The following LRRN1 variants were observed in gnomAD, a reference collection of about 807,000 sequenced individuals.
LRRN1 encodes the protein leucine-rich repeat neuronal protein 1.
A neutral mutation model predicts 45.8 loss-of-function variants in LRRN1; 14 were observed. The observed-to-expected ratio is 0.31, with a 90% CI of 0.20 to 0.48. LRRN1 has a LOEUF of 0.48. Ranked by LOEUF, LRRN1 falls within the 20% of genes least tolerant of loss-of-function variation. The probability of loss-of-function intolerance (pLI) is 0.99; values close to 1 mark genes in which losing one functional copy is unlikely to be tolerated. For synonymous variants in LRRN1, 359 were observed against 330.1 expected, an observed-to-expected ratio of 1.09 and a Z score of -0.95; for missense variants, 789 against 874.2, an observed-to-expected ratio of 0.90 and a Z score of 1.23.
At chr3:3,823,679 C>T (rs938990930) in intron 1 of LRRN1, among the ~76,000 whole-genome samples, 3 of 152,072 alleles carry the variant, frequency 2.0e-5, no homozygotes, top group African/African-American at 7.2e-5. Context: ...GAAACCAGGG[C>T]TTAGAGAGGT....
At position 3,847,961 on chromosome 3, in the gene LRRN1, C is replaced by T. The variant is rs1207828285; in HGVS notation, c.*1169C>T. ...TATTCATATATACTCACACACATCC[C>T]AACCTGTCACACACAATGCGTGTGT... On this transcript the variant is annotated 3_prime_UTR_variant, in exon 2 of 2. Coordinates refer to ENST00000319331, the MANE Select transcript of LRRN1 (RefSeq NM_020873.7). Among the ~76,000 whole-genome samples, 1 of 152,018 alleles carries T rather than the reference C, an allele frequency of 6.6e-6. No individual in the cohort carries two copies. The highest frequency in any genetic ancestry group is 1.9e-4 in the East Asian group (1 of 5,188).
intron 1 of LRRN1, among the ~76,000 whole-genome samples, chr3:3,809,596 T>G (rs1692836199): frequency 6.6e-6 from 1 of 152,214 alleles, no homozygotes; most frequent in Non-Finnish European, 1.5e-5. Flanking sequence ...ATTGCCGTAG[T>G]GTTACAGGAC....
chr3:3,819,966 A>G (rs1045302167), intron 1 of LRRN1, among the ~76,000 whole-genome samples: 16 of 152,148 alleles, frequency 1.1e-4, no homozygotes, highest in Admixed American at 9.8e-4. Context: ...CTGGATTTTA[A>G]TCTCAAATCT....
chr3:3,802,300 G>A (rs1241188432), intron 1 of LRRN1, among the ~76,000 whole-genome samples: 1 of 152,226 alleles, frequency 6.6e-6, no homozygotes, highest in Non-Finnish European at 1.5e-5. Flanking sequence ...CGCACGTGAG[G>A]CAGGCGATTA....
At chr3:3,817,130 G>T (rs561220700) in intron 1 of LRRN1, among the ~76,000 whole-genome samples, 2 of 152,114 alleles carry the variant, frequency 1.3e-5, no homozygotes, top group Admixed American at 6.6e-5. Context: ...CACAGTTTCT[G>T]TTTTGTATTC....
chr3:3,827,643 A>T (rs916535937), intron 1 of LRRN1: 8 of 383,620 alleles, frequency 2.1e-5, no homozygotes, highest in Non-Finnish European at 2.1e-5. Flanking sequence ...GAAAAAGCTA[A>T]AAGAATGATG....
chr3:3,815,300 G>T (rs1343311841), intron 1 of LRRN1, among the ~76,000 whole-genome samples: 1 of 152,102 alleles, frequency 6.6e-6, no homozygotes, highest in Non-Finnish European at 1.5e-5. Context: ...TCTGAACTCA[G>T]ATTTGGAAAG....
rs1693764854 is a variant in LRRN1, at chr3:3,845,904, G to A, written c.1263G>A (p.Gln421=). ...TTTTAATCCAGGATTCGAGTGAACA[G>A]TGCCTCCCAATGATATCTCACGACA... The part of the protein sequence containing the change: ...KEVLIQDSSE[Q]CLPMISHDSF... The change falls in exon 2 of 2, where the codon CAG becomes CAA. Residue 421 remains glutamine, a synonymous_variant. Transcript: ENST00000319331. This position sits in a 1 kb window ranked among gnomAD's most constrained non-coding sequence, Gnocchi z 6.5. 1 of 1,614,110 alleles carries A rather than the reference G, an allele frequency of 6.2e-7. No individual in the cohort carries two copies. The highest frequency in any genetic ancestry group is 8.5e-7 in the Non-Finnish European group (1 of 1,180,020).
chr3:3,847,033 GTTATTATATTA>G lies in LRRN1; in HGVS notation c.*247_*257del, dbSNP rs1693795168. 1 of 327,806 alleles carries G rather than the reference GTTATTATATTA, an allele frequency of 3.1e-6. No homozygotes were observed. The highest frequency in any genetic ancestry group is 4.5e-5 in the Admixed American group (1 of 22,324). The allele number at this position is 327,806 out of a possible 1,614,324, so 20.3% of individuals were successfully genotyped here. A position where few individuals can be genotyped will look rare whatever the true frequency, so the allele number is the denominator to read the frequency against. On this transcript the variant is annotated 3_prime_UTR_variant, in exon 2 of 2. Transcript: ENST00000319331. The stretch of plus-strand genomic sequence containing the variant: ...TTTTATTCTTATCATTATTATGATT[GTTATTATATTA>G]TTATTTTATTTTAGTTGTTGTGCTA...
At position 3,846,505 on chromosome 3, in the gene LRRN1, G is replaced by T. The variant is rs750033396; in HGVS notation, c.1864G>T (p.Asp622Tyr). 1.2e-6 allele frequency: 2 copies of T among 1,614,154 alleles called. No individual in the cohort carries two copies. The highest frequency in any genetic ancestry group is 3.3e-5 in the Admixed American group (2 of 60,024). ...AACCAAAAATGCCGCCTTCGCAGTG[G>T]ACATCTCTGATCAAGAAACCAGTAC... Reference protein sequence around the residue: ...VTTKNAAFAVDISDQETSTAL... With the variant: ...VTTKNAAFAVYISDQETSTAL... The change falls in exon 2 of 2, where the codon GAC (aspartate) becomes TAC (tyrosine). Residue 622 changes from aspartate (D) to tyrosine (Y), a missense_variant. Transcript: ENST00000319331. This position sits in a 1 kb window ranked among gnomAD's most constrained non-coding sequence, Gnocchi z 5.7.
chr3:3,813,113 A>G (rs1239004651), intron 1 of LRRN1, among the ~76,000 whole-genome samples: 1 of 152,194 alleles, frequency 6.6e-6, no homozygotes, highest in Non-Finnish European at 1.5e-5. Context: ...AAATGCTATC[A>G]TTCTCGTTCA....
In LRRN1 at chr3:3,845,342, C is replaced by G; in HGVS notation, c.701C>G (p.Ala234Gly). ...TATCTCACTGATATTCCTGGAAATG[C>G]TTTGGTGGGTCTGGATAGCCTTGAG... ...GMYLTDIPGN[A>G]LVGLDSLESL... The change falls in exon 2 of 2, where the codon GCT (alanine) becomes GGT (glycine). Residue 234 changes from alanine (A) to glycine (G), a missense_variant. Physicochemically the swap from Ala to Gly is moderately conservative, Grantham distance 60. Coordinates refer to ENST00000319331, the MANE Select transcript of LRRN1 (RefSeq NM_020873.7). The surrounding 1 kb of genome is among the most constrained non-coding windows in gnomAD (Gnocchi z 6.5). 2 of 1,614,060 alleles carry G rather than the reference C, an allele frequency of 1.2e-6. No individual in the cohort carries two copies. Among genetic ancestry groups the G allele is most frequent in the African/African-American group, 1.3e-5 (1 of 75,026 alleles).
rs1328965731 is a variant in LRRN1 at position 3,847,610 on chromosome 3, A to AT, written c.*824dup. The stretch of plus-strand genomic sequence containing the variant: ...ACTATAATAAATTAGTTTTGTTCTG[A>AT]TTTTTTAGAACACTTGCAATAATGT... On this transcript the variant is annotated 3_prime_UTR_variant, in exon 2 of 2. Transcript: ENST00000319331. 3.6e-5 allele frequency: 6 copies of AT among 167,124 alleles called. No individual in the cohort carries two copies. The highest frequency in any genetic ancestry group is 1.2e-4 in the African/African-American group (5 of 41,574). The allele number at this position is 167,124 out of a possible 1,614,324, so 10.4% of individuals were successfully genotyped here.
chr3:3,827,312 A>C, intron 1 of LRRN1: 1 of 325,690 alleles, frequency 3.1e-6, no homozygotes, highest in South Asian at 2.5e-5. Context: ...TTTATGCTAT[A>C]CTCTTGTTTC....
intron 1 of LRRN1, among the ~76,000 whole-genome samples, chr3:3,806,520 C>A (rs777071605): frequency 2.0e-4 from 31 of 152,272 alleles, no homozygotes; most frequent in African/African-American, 7.5e-4. Flanking sequence ...GAACTTTAAA[C>A]TGAAGATGGA....
At position 3,842,056 on chromosome 3, in the gene LRRN1, T is replaced by A. The variant is rs137913510; in HGVS notation, c.-278-2308T>A. Among the ~76,000 whole-genome samples, 621 of 152,318 alleles carry A rather than the reference T, an allele frequency of 4.1e-3. 4 individuals carry two copies. Among genetic ancestry groups the A allele is most frequent in the African/African-American group, 0.014 (590 of 41,570 alleles). ...ATGATATACCCTATTGCTCCTAGGC[T>A]GCAAACCTGTATAGCATGTTACTAT... On this transcript the variant is annotated intron_variant, in intron 1 of 1. Transcript: ENST00000319331.
chr3:3,808,230 G>A (rs980965670), intron 1 of LRRN1, among the ~76,000 whole-genome samples: 4 of 152,206 alleles, frequency 2.6e-5, no homozygotes, highest in African/African-American at 9.6e-5. Context: ...TTTTCCTAAC[G>A]TAGCATACAG....
intron 1 of LRRN1, chr3:3,822,937 G>T (rs529162241): frequency 6.6e-6 from 1 of 152,052 alleles, no homozygotes; most frequent in African/African-American, 2.4e-5. Context: ...TCCAGGACCT[G>T]CTTTATTCTT....
At chr3:3,818,408 G>A (rs1184022961) in intron 1 of LRRN1, among the ~76,000 whole-genome samples, 1 of 152,162 alleles carries the variant, frequency 6.6e-6, no homozygotes, top group Non-Finnish European at 1.5e-5. Flanking sequence ...GTTGGTTGAT[G>A]TTTTGTTCTG....
Sources: allele counts gnomAD v4.1 joint callset (sites outside exome capture counted in the v4.1 genomes callset), GRCh38; gene constraint gnomAD v4.1.1; non-coding constraint Gnocchi (gnomAD v3.1); transcripts MANE v1.5; gene names NCBI Gene and HGNC (gene_info 2026-07-23, HGNC 2026-07-21).